Variants in SLC4A10 observed in about 807,000 individuals in gnomAD.
The protein encoded by SLC4A10 is solute carrier family 4 member 10, also known as sodium-driven chloride bicarbonate exchanger.
Under a neutral mutation model 137.7 loss-of-function variants are expected in SLC4A10, and 42 were observed. The ratio of observed to expected loss-of-function variants is 0.30; its 90% CI spans 0.24 to 0.39. SLC4A10 has a LOEUF of 0.39. Among genes scored for constraint, SLC4A10 ranks in the 10% least tolerant of loss-of-function variants. The probability of loss-of-function intolerance (pLI) is 1.00; values close to 1 mark genes in which losing one functional copy is unlikely to be tolerated. For synonymous variants in SLC4A10, 474 were observed against 464.1 expected (o/e 1.02, Z -0.27); for missense variants, 925 against 1,355.0 (o/e 0.68, Z 4.98).
At chr2:161,922,785 G>C (rs1575656093) in intron 15 of SLC4A10, among the ~76,000 whole-genome samples, 1 of 152,046 alleles carries the variant, frequency 6.6e-6, no homozygotes. Flanking sequence ...AATAGAAAAA[G>C]AATAATCATA....
rs1688027235 is a variant in SLC4A10 at position 161,920,969 on chromosome 2, AC to A, written c.1997+15083del. On this transcript the variant is annotated intron_variant, in intron 15 of 26. Coordinates refer to ENST00000446997, the MANE Select transcript of SLC4A10 (RefSeq NM_001178015.2). Reference sequence around the variant, plus strand: ...GACAGTGTCTGGAGATGTCCTTTGGACATGATATCCACTCAAATAGTATTTG... The same window carrying A: ...GACAGTGTCTGGAGATGTCCTTTGGAATGATATCCACTCAAATAGTATTTG... 3.3e-5 allele frequency among the ~76,000 whole-genome samples: 5 copies of A among 152,234 alleles called. No individual in the cohort carries two copies. In the South Asian group the frequency reaches 1.0e-3, roughly 31 times the overall value.
chr2:161,819,741 G>A (rs543164723), intron 3 of SLC4A10, among the ~76,000 whole-genome samples: 13 of 152,172 alleles, frequency 8.5e-5, no homozygotes, highest in Admixed American at 5.9e-4. Flanking sequence ...TGATCCACCC[G>A]CACCAGCCTC....
intron 1 of SLC4A10, among the ~76,000 whole-genome samples, chr2:161,662,449 A>G (rs1438942732): frequency 6.6e-6 from 1 of 152,114 alleles, no homozygotes; most frequent in Non-Finnish European, 1.5e-5. Flanking sequence ...ATTCTGCCCT[A>G]TCAAAATAGG....
intron 1 of SLC4A10, among the ~76,000 whole-genome samples, chr2:161,676,131 A>C (rs2040251903): frequency 1.3e-5 from 2 of 152,154 alleles, no homozygotes; most frequent in African/African-American, 4.8e-5. Flanking sequence ...TTGTATACTT[A>C]CGTGGGCAGA....
chr2:161,772,668 T>C (rs1379661440), intron 2 of SLC4A10, among the ~76,000 whole-genome samples: 1 of 151,854 alleles, frequency 6.6e-6, no homozygotes, highest in Non-Finnish European at 1.5e-5. Flanking sequence ...CTAATAACAG[T>C]GATTAAGTCA....
At chr2:161,783,452 A>T (rs1344509787) in intron 2 of SLC4A10, among the ~76,000 whole-genome samples, 1 of 152,062 alleles carries the variant, frequency 6.6e-6, no homozygotes, top group East Asian at 1.9e-4. Context: ...GTAAATATAT[A>T]GACAAATGCA....
intron 1 of SLC4A10, among the ~76,000 whole-genome samples, chr2:161,759,845 G>A (rs973436920): frequency 2.6e-5 from 4 of 151,818 alleles, no homozygotes; most frequent in Admixed American, 2.0e-4. Context: ...TTCCTTTGCT[G>A]TGCAGATTAA....
chr2:161,693,531 T>G (rs968241667), intron 1 of SLC4A10, among the ~76,000 whole-genome samples: 1 of 151,970 alleles, frequency 6.6e-6, no homozygotes, highest in African/African-American at 2.4e-5. Flanking sequence ...CTGGCTTTTA[T>G]TTTTTTCAGT....
At chr2:161,803,907 C>T (rs561951197) in intron 2 of SLC4A10, among the ~76,000 whole-genome samples, 1 of 152,186 alleles carries the variant, frequency 6.6e-6, no homozygotes, top group African/African-American at 2.4e-5. Context: ...TAACAATATG[C>T]CAGAGTCGAA....
chr2:161,682,397 C>A (rs565812966), intron 1 of SLC4A10, among the ~76,000 whole-genome samples: 7 of 151,952 alleles, frequency 4.6e-5, no homozygotes, highest in Admixed American at 6.6e-5. Context: ...TTATGAGAAT[C>A]GTAAGTATTG....
intron 2 of SLC4A10, among the ~76,000 whole-genome samples, chr2:161,779,083 C>T (rs542701701): frequency 6.6e-6 from 1 of 151,938 alleles, no homozygotes; most frequent in African/African-American, 2.4e-5. Context: ...GGCTTTTGTG[C>T]ATCATCTTAA....
intron 10 of SLC4A10, among the ~76,000 whole-genome samples, chr2:161,892,165 A>T (rs1386498197): frequency 6.6e-6 from 1 of 152,118 alleles, no homozygotes; most frequent in African/African-American, 2.4e-5. Context: ...GTTGTCCTGG[A>T]TGAATTTGGA....
chr2:161,648,112 C>T (rs1188158280), intron 1 of SLC4A10, among the ~76,000 whole-genome samples: 3 of 152,092 alleles, frequency 2.0e-5, no homozygotes, highest in Non-Finnish European at 4.4e-5. Context: ...CAAAATCAGG[C>T]TCAGTTGGGC....
rs552435342 is a variant in SLC4A10 at position 161,983,283 on chromosome 2, G to A, written c.*131G>A. On this transcript the variant is annotated 3_prime_UTR_variant, in exon 27 of 27. Transcript: ENST00000446997. ...TTTATTTTTTACATATATATGAGAA[G>A]AGTGTCACAATTATTAATAAAACTG... 3 of 1,506,702 alleles carry A rather than the reference G, an allele frequency of 2.0e-6. No homozygotes were observed. Among genetic ancestry groups the A allele is most frequent in the East Asian group, 2.5e-5 (1 of 40,752 alleles). 93.3% of individuals were successfully genotyped at this position (1,506,702 alleles called of 1,614,324 possible).
chr2:161,784,766 T>G (rs2053431865), intron 2 of SLC4A10, among the ~76,000 whole-genome samples: 1 of 151,016 alleles, frequency 6.6e-6, no homozygotes, highest in African/African-American at 2.4e-5. Context: ...AAAAGATAAG[T>G]TTATAATGAT....
At chr2:161,923,957 G>C (rs1688607696) in intron 15 of SLC4A10, among the ~76,000 whole-genome samples, 2 of 152,096 alleles carry the variant, frequency 1.3e-5, no homozygotes. Flanking sequence ...GCTTGGATTT[G>C]AATGAACATA....
intron 1 of SLC4A10, among the ~76,000 whole-genome samples, chr2:161,666,049 C>T (rs905700007): frequency 1.3e-5 from 2 of 150,308 alleles, no homozygotes; most frequent in Non-Finnish European, 3.0e-5. Context: ...TTTGCCTTAC[C>T]TATAAGTGAA....
intron 12 of SLC4A10, 86 bp downstream of exon 12, chr2:161,901,097 T>A: frequency 1.0e-6 from 1 of 988,134 alleles, no homozygotes; most frequent in Non-Finnish European, 1.6e-6. Context: ...TGGGATCTAA[T>A]TTATTGTATA....
At chr2:161,683,821 T>C (rs1053323039) in intron 1 of SLC4A10, among the ~76,000 whole-genome samples, 6 of 152,210 alleles carry the variant, frequency 3.9e-5, no homozygotes, top group African/African-American at 1.4e-4. Flanking sequence ...AAAGACAATA[T>C]ACTCTAAAGT....
Sources: allele counts gnomAD v4.1 joint callset (sites outside exome capture counted in the v4.1 genomes callset), GRCh38; gene constraint gnomAD v4.1.1; transcripts MANE v1.5; gene names NCBI Gene and HGNC (gene_info 2026-07-23, HGNC 2026-07-21).